Variants in SLC38A12 observed in about 807,000 individuals in gnomAD.
SLC38A12 encodes solute carrier family 38 member 12.
At chr17:74,787,837 A>G in the SLC38A12 span, among the ~76,000 whole-genome samples, 2 of 148,130 alleles carry the variant, frequency 1.4e-5, no homozygotes, top group African/African-American at 4.9e-5. Context: ...TCTGTCACCC[A>G]GGCTGGAGTG....
chr17:74,812,031 G>A, the SLC38A12 span, among the ~76,000 whole-genome samples: 25 of 150,292 alleles, frequency 1.7e-4, no homozygotes, highest in Admixed American at 5.9e-4. Flanking sequence ...GGGTGACAGT[G>A]CCTCAAAAAA....
chr17:74,790,279 G>A, the SLC38A12 span: 63 of 1,613,964 alleles, frequency 3.9e-5, no homozygotes, highest in Non-Finnish European at 5.2e-5. Flanking sequence ...GCAGAGAAGC[G>A]GCCCATCCTG....
the SLC38A12 span, among the ~76,000 whole-genome samples, chr17:74,794,507 C>T: frequency 3.9e-5 from 6 of 152,310 alleles, no homozygotes; most frequent in South Asian, 8.3e-4. Context: ...TTTGGAAATC[C>T]AGGGCTTTTT....
At chr17:74,785,629 CAG>C in the SLC38A12 span, 10 of 1,609,282 alleles carry the variant, frequency 6.2e-6, no homozygotes, top group Non-Finnish European at 8.5e-6. Context: ...GACTTCCCCA[CAG>C]GGGCCAGGAG....
chr17:74,790,918 A>G, the SLC38A12 span: 1 of 1,605,688 alleles, frequency 6.2e-7, no homozygotes, highest in Non-Finnish European at 8.5e-7. Flanking sequence ...CTCCACGTGA[A>G]GAACCACTTC....
chr17:74,823,369 G>A, the SLC38A12 span, among the ~76,000 whole-genome samples: 2 of 152,384 alleles, frequency 1.3e-5, no homozygotes, highest in South Asian at 4.1e-4. Flanking sequence ...GGAGACTGCA[G>A]GCCCTGGAGC....
At chr17:74,805,445 C>T in the SLC38A12 span, among the ~76,000 whole-genome samples, 3 of 152,330 alleles carry the variant, frequency 2.0e-5, no homozygotes, top group South Asian at 2.1e-4. This position sits in a 1 kb window ranked among gnomAD's most constrained non-coding sequence, Gnocchi z 5.0. Flanking sequence ...TCCTCTGAAG[C>T]TGCTGGTTGG....
the SLC38A12 span, among the ~76,000 whole-genome samples, chr17:74,815,277 A>G: frequency 6.6e-6 from 1 of 152,172 alleles, no homozygotes; most frequent in African/African-American, 2.4e-5. Flanking sequence ...ATGTTATCAC[A>G]GGGCAGTTTT....
the SLC38A12 span, among the ~76,000 whole-genome samples, chr17:74,821,538 A>G: frequency 6.6e-6 from 1 of 152,206 alleles, no homozygotes; most frequent in South Asian, 2.1e-4. Flanking sequence ...CCTGGGTGCC[A>G]GGAGGGATTG....
chr17:74,804,416 C>T, the SLC38A12 span, among the ~76,000 whole-genome samples: 1 of 152,246 alleles, frequency 6.6e-6, no homozygotes, highest in African/African-American at 2.4e-5. Flanking sequence ...AGAGGAGCCA[C>T]AGAACCCCAG....
the SLC38A12 span, among the ~76,000 whole-genome samples, chr17:74,822,566 G>A: frequency 6.6e-6 from 1 of 152,352 alleles, no homozygotes; most frequent in South Asian, 2.1e-4. Context: ...ATAATCAAAT[G>A]TCAGGAGCCT....
At chr17:74,801,899 G>T in the SLC38A12 span, among the ~76,000 whole-genome samples, 3 of 151,812 alleles carry the variant, frequency 2.0e-5, no homozygotes, top group African/African-American at 7.3e-5. Context: ...CTCCCTAAAT[G>T]AAATTCAGGT....
the SLC38A12 span, chr17:74,788,953 C>A: frequency 1.6e-6 from 2 of 1,275,628 alleles, no homozygotes; most frequent in Non-Finnish European, 2.2e-6. Context: ...CATTCTTTTC[C>A]TCTCAGTGCA....
chr17:74,812,839 T>A, the SLC38A12 span, among the ~76,000 whole-genome samples: 4 of 152,130 alleles, frequency 2.6e-5, no homozygotes, highest in African/African-American at 9.7e-5. Flanking sequence ...CCCCCAGCCC[T>A]GGAGTGAGAA....
At chr17:74,835,836 T>C in the SLC38A12 span, 6 of 1,507,520 alleles carry the variant, frequency 4.0e-6, no homozygotes, top group Non-Finnish European at 3.5e-6. Context: ...CTCACAGGGC[T>C]CTAGTCCCCG....
At chr17:74,795,455 G>A in the SLC38A12 span, 1 of 1,406,080 alleles carries the variant, frequency 7.1e-7, no homozygotes, top group Non-Finnish European at 9.9e-7. Context: ...GCAGGGAGTG[G>A]CTTCTGTCTC....
chr17:74,786,065 C>T, the SLC38A12 span, among the ~76,000 whole-genome samples: 1 of 152,206 alleles, frequency 6.6e-6, no homozygotes, highest in Non-Finnish European at 1.5e-5. Context: ...AGGTGATAAA[C>T]ACACGCCTGG....
the SLC38A12 span, among the ~76,000 whole-genome samples, chr17:74,797,191 T>C: frequency 1.3e-5 from 2 of 152,228 alleles, no homozygotes; most frequent in African/African-American, 4.8e-5. Flanking sequence ...TTAGAAGCGT[T>C]ATTCTTGCCT....
chr17:74,809,973 C>T, the SLC38A12 span, among the ~76,000 whole-genome samples: 1 of 152,162 alleles, frequency 6.6e-6, no homozygotes, highest in Non-Finnish European at 1.5e-5. Flanking sequence ...CCCGACCAGC[C>T]CCTGGTTGCT....
Sources: allele counts gnomAD v4.1 joint callset (sites outside exome capture counted in the v4.1 genomes callset), GRCh38; gene constraint gnomAD v4.1.1; non-coding constraint Gnocchi (gnomAD v3.1); transcripts MANE v1.5; gene names NCBI Gene and HGNC (gene_info 2026-07-23, HGNC 2026-07-21).